The following CDK8 variants were observed in gnomAD, a reference collection of about 807,000 sequenced individuals.
CDK8 encodes cyclin-dependent kinase 8.
CDK8 carries 29 observed loss-of-function variants against 71.5 expected under a neutral mutation model. The observed-to-expected ratio is 0.41, with a 90% confidence interval of 0.30 to 0.55. The LOEUF is 0.55. Ranked by LOEUF, CDK8 falls within the 20% of genes least tolerant of loss-of-function variation. The probability of loss-of-function intolerance (pLI) is 0.37; values close to 1 mark genes in which losing one functional copy is unlikely to be tolerated. For synonymous variants in CDK8, 161 were observed against 192.1 expected (o/e 0.84, Z 1.34); for missense variants, 288 against 572.6 (o/e 0.50, Z 5.07).
At chr13:26,299,943 A>C (rs1474379475) in intron 1 of CDK8, among the ~76,000 whole-genome samples, 1 of 152,220 alleles carries the variant, frequency 6.6e-6, no homozygotes, top group Admixed American at 6.5e-5. Context: ...TAAAAATATA[A>C]AAACTATTCT....
intron 2 of CDK8, among the ~76,000 whole-genome samples, chr13:26,345,720 C>T (rs1390333689): frequency 6.6e-6 from 1 of 152,108 alleles, no homozygotes; most frequent in Non-Finnish European, 1.5e-5. Context: ...TAGTAAAACA[C>T]AGTAGATTGG....
At chr13:26,340,001 A>C (rs1048927717) in intron 2 of CDK8, among the ~76,000 whole-genome samples, 2 of 151,818 alleles carry the variant, frequency 1.3e-5, no homozygotes, top group African/African-American at 4.8e-5. Flanking sequence ...CTGTGAGGAA[A>C]ATATTTCCGC....
intron 1 of CDK8, among the ~76,000 whole-genome samples, chr13:26,324,033 C>T (rs532475149): frequency 6.6e-6 from 1 of 152,230 alleles, no homozygotes; most frequent in South Asian, 2.1e-4. Flanking sequence ...GTAACCATTC[C>T]TCCATATCCT....
intron 1 of CDK8, among the ~76,000 whole-genome samples, chr13:26,263,809 C>T (rs539769554): frequency 9.5e-4 from 142 of 149,162 alleles, no homozygotes; most frequent in Non-Finnish European, 1.8e-3. Context: ...TGCAGTGGCA[C>T]GATCTCGGCT....
chr13:26,317,424 G>T (rs749899689), intron 1 of CDK8, among the ~76,000 whole-genome samples: 1 of 152,000 alleles, frequency 6.6e-6, no homozygotes, highest in South Asian at 2.1e-4. Flanking sequence ...GGAAACAGAG[G>T]ACTTAATAAA....
intron 1 of CDK8, among the ~76,000 whole-genome samples, chr13:26,288,947 C>T (rs1443502405): frequency 1.3e-5 from 2 of 151,646 alleles, no homozygotes; most frequent in Non-Finnish European, 2.9e-5. Flanking sequence ...GATGGGGTTT[C>T]ACTATGGTCT....
At position 26,384,571 on chromosome 13, in the gene CDK8, T is replaced by G. The variant is rs1158806406; in HGVS notation, c.515-640T>G. Among the ~76,000 whole-genome samples the G allele has an allele frequency of 3.9e-5, 6 of 152,348 alleles. No individual in the cohort carries two copies. The East Asian group carries it at 1.2e-3, about 29-fold the overall frequency. ...AAATGCCATGATGAACTGTATCTAA[T>G]CTCAGTTCTAGCTCTGAGGTATGAG... On this transcript the variant is annotated intron_variant, in intron 5 of 12. Coordinates refer to ENST00000381527, the MANE Select transcript of CDK8 (RefSeq NM_001260.3).
intron 1 of CDK8, among the ~76,000 whole-genome samples, chr13:26,329,115 A>G (rs1408043855): frequency 6.6e-6 from 1 of 152,052 alleles, no homozygotes; most frequent in East Asian, 1.9e-4. Flanking sequence ...CTCAGTTTTT[A>G]TACTTATCGT....
At chr13:26,345,702 G>A (rs1873435875) in intron 2 of CDK8, among the ~76,000 whole-genome samples, 1 of 152,116 alleles carries the variant, frequency 6.6e-6, no homozygotes, top group South Asian at 2.1e-4. Context: ...TATATTTTTA[G>A]TAAATTTTAG....
intron 1 of CDK8, among the ~76,000 whole-genome samples, chr13:26,326,745 C>T (rs1022758712): frequency 6.6e-6 from 1 of 152,202 alleles, no homozygotes; most frequent in African/African-American, 2.4e-5. Flanking sequence ...CAGAATCTGG[C>T]AAAGTCATTG....
intron 1 of CDK8, among the ~76,000 whole-genome samples, chr13:26,329,677 T>C (rs1875214048): frequency 1.3e-5 from 2 of 152,026 alleles, no homozygotes; most frequent in South Asian, 2.1e-4. Flanking sequence ...TAAATTTTTG[T>C]ATTTTTTGTA....
intron 2 of CDK8, among the ~76,000 whole-genome samples, chr13:26,347,304 C>A (rs1173729689): frequency 5.9e-5 from 9 of 152,132 alleles, no homozygotes; most frequent in Admixed American, 5.9e-4. Flanking sequence ...ATCAACTTTA[C>A]TATGTAATTT....
intron 7 of CDK8, 55 bp downstream of exon 7, chr13:26,393,565 A>T: frequency 1.3e-6 from 2 of 1,578,366 alleles, no homozygotes; most frequent in Non-Finnish European, 1.7e-6. Flanking sequence ...TTGAACTTAG[A>T]TGTCTTCGTT....
chr13:26,376,426 T>G (rs1421106370), intron 4 of CDK8, among the ~76,000 whole-genome samples: 1 of 152,218 alleles, frequency 6.6e-6, no homozygotes, highest in African/African-American at 2.4e-5. Flanking sequence ...TTACAGCTTT[T>G]CAAAAATGCA....
At chr13:26,348,341 C>A (rs955017354) in intron 2 of CDK8, among the ~76,000 whole-genome samples, 1 of 152,046 alleles carries the variant, frequency 6.6e-6, no homozygotes, top group African/African-American at 2.4e-5. Flanking sequence ...GGAATTGGGC[C>A]GTACAGCAGG....
intron 4 of CDK8, among the ~76,000 whole-genome samples, chr13:26,375,210 T>C (rs906915144): frequency 6.6e-6 from 1 of 152,212 alleles, no homozygotes; most frequent in African/African-American, 2.4e-5. Context: ...AAGTGATCAT[T>C]GTTAGTTCAG....
intron 6 of CDK8, among the ~76,000 whole-genome samples, chr13:26,392,911 C>T (rs540810816): frequency 2.0e-5 from 3 of 152,246 alleles, no homozygotes; most frequent in African/African-American, 7.2e-5. Context: ...CAAAAATTTA[C>T]ACTGATTATG....
chr13:26,332,304 G>A (rs1872790578), intron 1 of CDK8, among the ~76,000 whole-genome samples: 1 of 151,750 alleles, frequency 6.6e-6, no homozygotes. Flanking sequence ...TGACCAACAA[G>A]TGAAACCCTA....
intron 1 of CDK8, among the ~76,000 whole-genome samples, chr13:26,315,316 A>G (rs1355542775): frequency 6.6e-6 from 1 of 152,204 alleles, no homozygotes; most frequent in Non-Finnish European, 1.5e-5. Flanking sequence ...TGTTGTTCAT[A>G]GAATATATAA....
Sources: allele counts gnomAD v4.1 joint callset (sites outside exome capture counted in the v4.1 genomes callset), GRCh38; gene constraint gnomAD v4.1.1; transcripts MANE v1.5; gene names NCBI Gene and HGNC (gene_info 2026-07-23, HGNC 2026-07-21).